Variants in MGAT4C observed in about 807,000 individuals in gnomAD.
The protein encoded by MGAT4C is alpha-1,3-mannosyl-glycoprotein 4-beta-N-acetylglucosaminyltransferase C.
Under a neutral mutation model 40.1 loss-of-function variants are expected in MGAT4C, and 19 were observed. That is an observed-to-expected ratio of 0.47 (90% CI 0.33 to 0.70). MGAT4C has a LOEUF of 0.70. MGAT4C is among the 30% of genes least tolerant of loss of function. The probability of loss-of-function intolerance (pLI) is 0.02; values close to 1 mark genes in which losing one functional copy is unlikely to be tolerated. For missense variants in MGAT4C, 491 were observed against 563.2 expected, an observed-to-expected ratio of 0.87 and a Z score of 1.30; for synonymous variants, 181 against 187.1, an observed-to-expected ratio of 0.97 and a Z score of 0.27.
chr12:86,693,999 T>A lies in MGAT4C; in HGVS notation c.-229+33210A>T, dbSNP rs565035763. ...AAACTTGAACTTTAAAAATACATGT[T>A]TTATTACTATTATAAATCCAAAGCA... On this transcript the variant is annotated intron_variant, in intron 2 of 7. Coordinates refer to the MGAT4C transcript ENST00000548651. Among the ~76,000 whole-genome samples, 15 of 152,280 alleles carry A rather than the reference T, an allele frequency of 9.9e-5. No individual in the cohort carries two copies. The South Asian group carries it at 2.9e-3, about 29-fold the overall frequency.
intron 1 of MGAT4C, among the ~76,000 whole-genome samples, chr12:86,217,225 A>G (rs1950706405): frequency 6.6e-6 from 1 of 152,054 alleles, no homozygotes; most frequent in South Asian, 2.1e-4. Context: ...CCTAGACTGG[A>G]GTGCAGTGGC....
At chr12:86,443,915 A>C (rs1007884271) in intron 2 of MGAT4C, among the ~76,000 whole-genome samples, 4 of 152,064 alleles carry the variant, frequency 2.6e-5, no homozygotes, top group Non-Finnish European at 4.4e-5. Flanking sequence ...CTCTTTTAAC[A>C]AAGTTTTACC....
At chr12:86,441,323 T>C (rs1306795120) in intron 2 of MGAT4C, among the ~76,000 whole-genome samples, 1 of 149,736 alleles carries the variant, frequency 6.7e-6, no homozygotes, top group Non-Finnish European at 1.5e-5. Context: ...ATCAACCAAC[T>C]GATTTTTTTT....
At chr12:86,422,894 TAGTC>T (rs1191727318) in intron 3 of MGAT4C, among the ~76,000 whole-genome samples, 1 of 152,204 alleles carries the variant, frequency 6.6e-6, no homozygotes, top group Non-Finnish European at 1.5e-5. Flanking sequence ...TGATATGTCA[TAGTC>T]AACATTCCTG....
intron 1 of MGAT4C, among the ~76,000 whole-genome samples, chr12:86,231,356 C>A (rs1357806718): frequency 1.3e-5 from 2 of 152,106 alleles, no homozygotes; most frequent in African/African-American, 2.4e-5. Flanking sequence ...TGGGGTAGAG[C>A]AAAACCCCTA....
intron 1 of MGAT4C, among the ~76,000 whole-genome samples, chr12:86,240,102 A>C (rs1431269853): frequency 1.3e-5 from 2 of 151,564 alleles, no homozygotes; most frequent in African/African-American, 4.8e-5. Context: ...TGCAGAAAGC[A>C]ATTAATAAAT....
intron 2 of MGAT4C, among the ~76,000 whole-genome samples, chr12:86,435,568 T>G (rs549366482): frequency 6.6e-6 from 1 of 152,058 alleles, no homozygotes; most frequent in East Asian, 1.9e-4. Flanking sequence ...GTAAATTTAC[T>G]TAGCACCTAT....
chr12:86,637,193 T>C (rs968607973), intron 2 of MGAT4C, among the ~76,000 whole-genome samples: 1 of 152,008 alleles, frequency 6.6e-6, no homozygotes, highest in Non-Finnish European at 1.5e-5. Flanking sequence ...TCTAATCTTC[T>C]ACTATCTGGA....
At chr12:86,741,536 T>C (rs958161436) in intron 1 of MGAT4C, among the ~76,000 whole-genome samples, 1 of 151,434 alleles carries the variant, frequency 6.6e-6, no homozygotes, top group African/African-American at 2.4e-5. Flanking sequence ...GGTGGCATTT[T>C]AGTTATCTGA....
intron 2 of MGAT4C, among the ~76,000 whole-genome samples, chr12:86,665,629 C>A (rs1020527952): frequency 1.3e-5 from 2 of 152,112 alleles, no homozygotes; most frequent in African/African-American, 4.8e-5. Flanking sequence ...CCTCGGCCTC[C>A]CAAAGTACGG....
intron 3 of MGAT4C, 151 bp downstream of exon 3, chr12:85,989,249 A>T: frequency 1.8e-6 from 1 of 541,986 alleles, no homozygotes; most frequent in Non-Finnish European, 3.0e-6. Context: ...ATGTATGGTT[A>T]ATACAAAAAA....
intron 1 of MGAT4C, among the ~76,000 whole-genome samples, chr12:86,219,344 T>C (rs1950793079): frequency 1.5e-5 from 2 of 133,136 alleles, no homozygotes; most frequent in Non-Finnish European, 1.6e-5. Flanking sequence ...TAATATGTTA[T>C]GAAAAAATGA....
chr12:86,206,634 C>T (rs1392622762), intron 1 of MGAT4C, among the ~76,000 whole-genome samples: 3 of 152,058 alleles, frequency 2.0e-5, no homozygotes, highest in African/African-American at 7.2e-5. Flanking sequence ...TTTCTCCACT[C>T]TTGCTCTCTC....
In MGAT4C at chr12:85,957,844, G is replaced by A. The variant is rs1334026118; in HGVS notation, c.*21445C>T. 1 of 151,780 alleles carries A rather than the reference G, an allele frequency of 6.6e-6. No individual in the cohort carries two copies. The highest frequency in any genetic ancestry group is 2.4e-5 in the African/African-American group (1 of 41,330). 9.4% of individuals were successfully genotyped at this position (151,780 alleles called of 1,614,324 possible). On this transcript the variant is annotated 3_prime_UTR_variant, in exon 5 of 5. Transcript: ENST00000611864. ...ATATTAAATAATTAAATAGGTAATG[G>A]GAACCACCTTTATTTATTGGCTTTT... is the stretch of plus-strand genomic sequence containing the variant.
intron 1 of MGAT4C, among the ~76,000 whole-genome samples, chr12:86,124,301 T>C (rs1035402685): frequency 2.6e-5 from 4 of 152,152 alleles, no homozygotes; most frequent in Non-Finnish European, 4.4e-5. Context: ...ATATTAATGA[T>C]AATTTACTAG....
At chr12:86,776,234 A>T (rs1201255381) in intron 1 of MGAT4C, among the ~76,000 whole-genome samples, 1 of 152,082 alleles carries the variant, frequency 6.6e-6, no homozygotes, top group African/African-American at 2.4e-5. Context: ...TTTGAAAAAG[A>T]GTCTGTTTCA....
At chr12:86,346,940 T>G (rs1955047497) in intron 3 of MGAT4C, among the ~76,000 whole-genome samples, 1 of 152,200 alleles carries the variant, frequency 6.6e-6, no homozygotes, top group Non-Finnish European at 1.5e-5. Flanking sequence ...GGATGCTTCC[T>G]GCCCTTGAAC....
At chr12:86,635,386 A>G (rs1338162923) in intron 2 of MGAT4C, among the ~76,000 whole-genome samples, 1 of 152,092 alleles carries the variant, frequency 6.6e-6, no homozygotes, top group Non-Finnish European at 1.5e-5. Flanking sequence ...CAGTTAGTGC[A>G]ATAAGGTCTC....
At chr12:86,066,543 C>T (rs1270772143) in intron 1 of MGAT4C, among the ~76,000 whole-genome samples, 1 of 152,030 alleles carries the variant, frequency 6.6e-6, no homozygotes, top group Non-Finnish European at 1.5e-5. Context: ...TTCCTTACAC[C>T]TTATACAAAA....
Sources: allele counts gnomAD v4.1 joint callset (sites outside exome capture counted in the v4.1 genomes callset), GRCh38; gene constraint gnomAD v4.1.1; transcripts MANE v1.5; gene names NCBI Gene and HGNC (gene_info 2026-07-23, HGNC 2026-07-21).